The following ASTN2 variants were observed in gnomAD, a reference collection of about 807,000 sequenced individuals.
ASTN2 encodes the protein astrotactin-2.
Under a neutral mutation model 139.8 loss-of-function variants are expected in ASTN2, and 54 were observed. The ratio of observed to expected loss-of-function variants is 0.39; its 90% CI spans 0.31 to 0.48. ASTN2 has a LOEUF of 0.48. ASTN2 is among the 20% of genes least tolerant of loss of function. The pLI is 0.95. For synonymous variants in ASTN2, 756 were observed against 719.5 expected (o/e 1.05, Z -0.81); for missense variants, 1,565 against 1,725.1 (o/e 0.91, Z 1.64).
In ASTN2 at chr9:116,805,109, A is replaced by AGTGTGTGTGTGTGTGT. The variant is rs10681699; in HGVS notation, c.2396+507_2396+522dup. On this transcript the variant is annotated intron_variant, in intron 13 of 22. Transcript: ENST00000313400. ...TAAACAGCTTTACTGGGATTTGGGG[A>AGTGTGTGTGTGTGTGT]GTGTGTGTGTGTGTGTGTGTGTGTG... 1.2e-3 allele frequency among the ~76,000 whole-genome samples: 169 copies of AGTGTGTGTGTGTGTGT among 143,128 alleles called. 2 individuals carry two copies. The highest frequency in any genetic ancestry group is 0.01 in the South Asian group (44 of 4,336). 93.9% of individuals were successfully genotyped at this position (143,128 alleles called of 152,430 possible).
At chr9:116,815,953 C>T (rs1423902070) in intron 12 of ASTN2, among the ~76,000 whole-genome samples, 1 of 151,910 alleles carries the variant, frequency 6.6e-6, no homozygotes, top group Non-Finnish European at 1.5e-5. Context: ...TACAACTTTC[C>T]TTTTCTCATA....
rs181755833 is a variant in ASTN2, at chr9:116,570,556, C to T, written c.3355+47768G>A. Among the ~76,000 whole-genome samples, 251 of 152,262 alleles carry T rather than the reference C, an allele frequency of 1.6e-3. 2 individuals carry two copies. The highest frequency in any genetic ancestry group is 5.8e-3 in the African/African-American group (242 of 41,556). ...GACTACCGGCGCCCGCCACCATGCC[C>T]GGCTAATTTTTTTTGTATTTTTAGT... On this transcript the variant is annotated intron_variant, in intron 19 of 22. Coordinates refer to ENST00000313400, the MANE Select transcript of ASTN2 (RefSeq NM_001365068.1).
At chr9:116,634,557 C>T (rs576718358) in intron 17 of ASTN2, among the ~76,000 whole-genome samples, 2,835 of 143,688 alleles carry the variant, frequency 0.02, 40 homozygotes, top group Middle Eastern at 0.043. Context: ...GCCACTGCAC[C>T]CCAGCCTGGG....
chr9:117,044,462 C>T (rs1166720703), intron 5 of ASTN2, among the ~76,000 whole-genome samples: 2 of 152,132 alleles, frequency 1.3e-5, no homozygotes, highest in Admixed American at 6.5e-5. Flanking sequence ...CCGGACCTGG[C>T]AGAAACTTCA....
chr9:117,152,793 A>T (rs116522109), intron 3 of ASTN2, among the ~76,000 whole-genome samples: 104 of 152,266 alleles, frequency 6.8e-4, no homozygotes, highest in African/African-American at 2.5e-3. Context: ...AAGAACTTGA[A>T]GTTCTCAGGT....
chr9:117,371,982 G>A (rs943966723), intron 1 of ASTN2, among the ~76,000 whole-genome samples: 11 of 152,134 alleles, frequency 7.2e-5, no homozygotes, highest in African/African-American at 2.4e-4. Context: ...GCATTCACCC[G>A]AAAGGAGCTT....
intron 19 of ASTN2, chr9:116,582,623 T>A (rs1051950882): frequency 6.6e-6 from 1 of 152,242 alleles, no homozygotes; most frequent in African/African-American, 2.4e-5. Flanking sequence ...TATTCTTCCA[T>A]TCACTCATGC....
At chr9:116,859,351 A>G (rs759060205) in intron 11 of ASTN2, among the ~76,000 whole-genome samples, 5 of 152,228 alleles carry the variant, frequency 3.3e-5, no homozygotes, top group Non-Finnish European at 5.9e-5. Flanking sequence ...CCAATTACCT[A>G]TATGAGAAAC....
In ASTN2 at chr9:117,414,599, C is replaced by A. The variant is rs780543587; in HGVS notation, c.340G>T (p.Ala114Ser). The A allele has an allele frequency of 1.3e-6, 2 of 1,572,768 alleles. No homozygotes were observed. The highest frequency in any genetic ancestry group is 2.5e-5 in the East Asian group (1 of 39,604). The change falls in exon 1 of 23, where the codon GCC becomes TCC. Residue 114 changes from alanine to serine, a missense_variant. Physicochemically the swap from Ala to Ser is moderately conservative, Grantham distance 99. This residue lies in a region of ASTN2 where 596 missense variants were observed against 576.8 expected (regional missense o/e 1.03). Transcript: ENST00000313400. The surrounding 1 kb of genome is among the most constrained non-coding windows in gnomAD (Gnocchi z 4.2). ...AAGAGCAGGAGGCGCGACTCGGCGG[C>A]GGTGCCGGCAGAGCCAGGAGAGCCC... Reference protein sequence around the residue: ...SPGSPGSAGTAAESRLLLFVR... With the variant: ...SPGSPGSAGTSAESRLLLFVR...
intron 19 of ASTN2, among the ~76,000 whole-genome samples, chr9:116,580,679 T>G (rs1022204674): frequency 3.9e-5 from 6 of 152,178 alleles, no homozygotes; most frequent in African/African-American, 1.4e-4. Flanking sequence ...GAGGTGCACT[T>G]AATGGGTTTT....
intron 10 of ASTN2, among the ~76,000 whole-genome samples, chr9:116,946,936 C>CAAAAAAAAAAAAAAAAAAAAAAAAAA (rs3983292): frequency 5.1e-4 from 65 of 127,846 alleles, no homozygotes; most frequent in African/African-American, 1.9e-3. Flanking sequence ...ACATTTTTGT[C>CAAAAAAAAAAAAAAAAAAAAAAAAAA]AAAAAAAAAA....
intron 10 of ASTN2, among the ~76,000 whole-genome samples, chr9:116,938,169 C>T (rs1162280211): frequency 6.6e-6 from 1 of 152,186 alleles, no homozygotes; most frequent in Non-Finnish European, 1.5e-5. Context: ...CTCTCCTGTA[C>T]TGTAATACAC....
chr9:117,257,672 A>G (rs1833723614), intron 2 of ASTN2, among the ~76,000 whole-genome samples: 1 of 152,224 alleles, frequency 6.6e-6, no homozygotes, highest in South Asian at 2.1e-4. Flanking sequence ...GAGGACACAG[A>G]GGAAAAATAG....
chr9:116,516,396 A>T (rs1013201897), intron 19 of ASTN2, among the ~76,000 whole-genome samples: 3 of 152,236 alleles, frequency 2.0e-5, no homozygotes, highest in Non-Finnish European at 4.4e-5. Context: ...TTTACACTTT[A>T]TAAATTCCTT....
At chr9:117,294,732 A>T (rs1013967426) in intron 1 of ASTN2, among the ~76,000 whole-genome samples, 1 of 152,122 alleles carries the variant, frequency 6.6e-6, no homozygotes, top group African/African-American at 2.4e-5. Flanking sequence ...TGTTATCGGG[A>T]CTATCTTCTA....
At chr9:116,480,613 T>G (rs540731307) in intron 20 of ASTN2, among the ~76,000 whole-genome samples, 1 of 152,306 alleles carries the variant, frequency 6.6e-6, no homozygotes, top group Admixed American at 6.5e-5. Context: ...GTACCATGGC[T>G]TTGTGTGTCT....
intron 3 of ASTN2, among the ~76,000 whole-genome samples, chr9:117,162,694 G>T (rs1830580540): frequency 6.6e-6 from 1 of 151,964 alleles, no homozygotes; most frequent in African/African-American, 2.4e-5. Context: ...TTGTACAAAG[G>T]GTGTTGTGAG....
intron 16 of ASTN2, among the ~76,000 whole-genome samples, chr9:116,693,285 C>G (rs1354075952): frequency 6.6e-6 from 1 of 152,106 alleles, no homozygotes; most frequent in African/African-American, 2.4e-5. Context: ...TGCCTGCTTC[C>G]CCACAACTTG....
chr9:116,900,516 C>T (rs1225788589), intron 10 of ASTN2, among the ~76,000 whole-genome samples: 2 of 152,136 alleles, frequency 1.3e-5, no homozygotes, highest in Non-Finnish European at 2.9e-5. Context: ...GAGCTATATT[C>T]CTAGGCTTAA....
Sources: allele counts gnomAD v4.1 joint callset (sites outside exome capture counted in the v4.1 genomes callset), GRCh38; gene constraint gnomAD v4.1.1; regional missense constraint gnomAD v4.1.1; non-coding constraint Gnocchi (gnomAD v3.1); transcripts MANE v1.5; gene names NCBI Gene and HGNC (gene_info 2026-07-23, HGNC 2026-07-21).